Variants in REPIN1 observed in about 807,000 individuals in gnomAD.
REPIN1 encodes the protein DNA-binding protein REPIN1.
A neutral mutation model predicts 5.7 loss-of-function variants in REPIN1; 4 were observed. The observed-to-expected ratio is 0.71, with a 90% CI of 0.35 to 1.62. The LOEUF is 1.62. Among genes scored for constraint, REPIN1 ranks in the 40% most tolerant of loss-of-function variants. REPIN1 has a pLI of 0.05. For synonymous variants in REPIN1, 410 were observed against 386.2 expected (o/e 1.06, Z -0.72); for missense variants, 854 against 901.0 (o/e 0.95, Z 0.67).
Position 150,371,293 on chromosome 7 carries a change from C to T in REPIN1, c.223C>T (p.Arg75Ter). 3 of 1,592,746 alleles carry T rather than the reference C, an allele frequency of 1.9e-6. No homozygotes were observed. Among genetic ancestry groups the T allele is most frequent in the Non-Finnish European group, 2.6e-6 (3 of 1,170,428 alleles). ...CCTGGCCATGGGCCTGGCCCAGCCC[C>T]GACTCCTTTCTGGGCCCTCCCAGGA... ...GPLAMGLAQPRLLSGPSQESP... is the reference protein window; with the variant it reads ...GPLAMGLAQP The change falls in exon 3 of 3, where the codon CGA (arginine) becomes TGA (stop). Residue 75 changes from arginine to a stop codon, truncating the protein, a stop_gained. Transcript: ENST00000489432. LOFTEE classifies it low-confidence loss of function (END_TRUNC).
In REPIN1 at chr7:150,374,026, A is replaced by C. The variant is rs948291741; in HGVS notation, c.*1081A>C. On this transcript the variant is annotated 3_prime_UTR_variant, in exon 3 of 3. Coordinates refer to ENST00000489432, the MANE Select transcript of REPIN1 (RefSeq NM_001099695.2). The stretch of plus-strand genomic sequence containing the variant: ...CTCCTTTTCAAACTAGAGAATAAAG[A>C]TTTGGTTTTAGAACTGGTGGCTGGG... 6.0e-6 allele frequency: 1 copy of C among 167,058 alleles called. No individual in the cohort carries two copies. Among genetic ancestry groups the C allele is most frequent in the Non-Finnish European group, 1.5e-5 (1 of 68,116 alleles). The allele number at this position is 167,058 out of a possible 1,614,324, so 10.3% of individuals were successfully genotyped here.
chr7:150,368,648 G>C (rs1168893954), upstream of REPIN1: 2 of 193,944 alleles, frequency 1.0e-5, no homozygotes, highest in Non-Finnish European at 2.1e-5. Flanking sequence ...GCCCTGGCGC[G>C]GCAGTGGCTT....
Position 150,373,570 on chromosome 7 carries a change from CA to C in REPIN1, c.*626del. 1.8e-5 allele frequency: 3 copies of C among 169,428 alleles called. No individual in the cohort carries two copies. The highest frequency in any genetic ancestry group is 6.3e-5 in the Admixed American group (1 of 15,784). 10.5% of individuals were successfully genotyped at this position (169,428 alleles called of 1,614,324 possible). A position where few individuals can be genotyped will look rare whatever the true frequency, so the allele number is the denominator to read the frequency against. ...TTCCATCCTCTTCCTTCCCAAAGAGCAGATCCCAAGGCATTTACTCCTTGGT... is the reference window on the plus strand; with the variant it reads ...TTCCATCCTCTTCCTTCCCAAAGAGCGATCCCAAGGCATTTACTCCTTGGT... On this transcript the variant is annotated 3_prime_UTR_variant, in exon 3 of 3. Transcript: ENST00000489432.
chr7:150,372,591 G>T lies in REPIN1; in HGVS notation c.1521G>T (p.Arg507=). The T allele has an allele frequency of 6.2e-7, 1 of 1,604,622 alleles. No homozygotes were observed. Reference sequence around the variant, plus strand: ...AGGGCAGCCATCTGGCGGCGCATCGGCGCGACCACGCCCCCGATCGGCCCT... The same window carrying T: ...AGGGCAGCCATCTGGCGGCGCATCGTCGCGACCACGCCCCCGATCGGCCCT... ...FSQGSHLAAH[R]RDHAPDRPFV... The change falls in exon 3 of 3, where the codon CGG becomes CGT. Residue 507 remains arginine, a synonymous_variant. Coordinates refer to ENST00000489432, the MANE Select transcript of REPIN1 (RefSeq NM_001099695.2).
rs756635135 is a variant in REPIN1 at position 150,371,241 on chromosome 7, G to C, written c.171G>C (p.Pro57=). Residue 57 remains proline, a synonymous_variant, in exon 3 of 3, where the codon CCG becomes CCC. Coordinates refer to ENST00000489432, the MANE Select transcript of REPIN1 (RefSeq NM_001099695.2). The part of the protein sequence containing the change: ...QLCSLQAEEE[P]MLERRCRGPL... ...TTCCACCCTCAGCAGAGGAAGAACCGATGCTGGAACGTCGTTGCAGGGGCC... is the reference window on the plus strand; with the variant it reads ...TTCCACCCTCAGCAGAGGAAGAACCCATGCTGGAACGTCGTTGCAGGGGCC... 4.4e-6 allele frequency: 7 copies of C among 1,594,976 alleles called. No homozygotes were observed. The highest frequency in any genetic ancestry group is 2.2e-5 in the South Asian group (2 of 88,966).
rs1388587110 is a variant in REPIN1 at position 150,369,793 on chromosome 7, A to C, written c.82A>C (p.Ser28Arg). 1 of 1,613,876 alleles carries C rather than the reference A, an allele frequency of 6.2e-7. No individual in the cohort carries two copies. Among genetic ancestry groups the C allele is most frequent in the East Asian group, 2.2e-5 (1 of 44,884 alleles). ...YRSVGRSRRC[S>R]RGSIPRNIPK... ...GAGTGTGGGCCGAAGCAGGCGCTGCAGCCGCGGAAGTATCCCCAGGAACAT... is the reference window on the plus strand; with the variant it reads ...GAGTGTGGGCCGAAGCAGGCGCTGCCGCCGCGGAAGTATCCCCAGGAACAT... Residue 28 changes from serine (S) to arginine (R), a missense_variant, in exon 2 of 3, where the codon AGC (serine) becomes CGC (arginine). Physicochemically the swap from Ser to Arg is moderately radical, Grantham distance 110. Transcript: ENST00000489432.
In REPIN1 at chr7:150,372,055, C is replaced by G; in HGVS notation, c.985C>G (p.Arg329Gly). 2.5e-6 allele frequency: 4 copies of G among 1,610,002 alleles called. No homozygotes were observed. The highest frequency in any genetic ancestry group is 1.1e-5 in the South Asian group (1 of 90,950). ...CCACCAGTGCCCCGAGTGCGGGAAG[C>G]GCTTTACCAATAAGCCCTATCTGAC... ...RPHQCPECGK[R>G]FTNKPYLTSH... Residue 329 changes from arginine (R) to glycine (G), a missense_variant, in exon 3 of 3, where the codon CGC (arginine) becomes GGC (glycine). Arg to Gly is a moderately radical substitution (Grantham distance 125). Coordinates refer to ENST00000489432, the MANE Select transcript of REPIN1 (RefSeq NM_001099695.2).
chr7:150,369,935 C>T (rs1304388521), intron 2 of REPIN1, 67 bp downstream of exon 2: 2 of 1,513,614 alleles, frequency 1.3e-6, no homozygotes, highest in Non-Finnish European at 1.8e-6. Flanking sequence ...GTCCCCATCC[C>T]GGCGGAAGGA....
rs1235029521 is a variant in REPIN1 at position 150,371,725 on chromosome 7, G to A, written c.655G>A (p.Ala219Thr). Residue 219 changes from alanine (A) to threonine (T), a missense_variant, in exon 3 of 3, where the codon GCT (alanine) becomes ACT (threonine). Ala to Thr is a moderately conservative substitution (Grantham distance 58, BLOSUM62 0). This residue lies in a region of REPIN1 where 409 missense variants were observed against 418.6 expected (regional missense o/e 0.98). Coordinates refer to ENST00000489432, the MANE Select transcript of REPIN1 (RefSeq NM_001099695.2). ...CTTCTGGCGACGAAAGCAGCTTCGA[G>A]CTCATCTGCGGCGGTGCCACCCTCC... is the stretch of plus-strand genomic sequence containing the variant. ...RRFWRRKQLRAHLRRCHPPAP... is the reference protein window; with the variant it reads ...RRFWRRKQLRTHLRRCHPPAP... The A allele has an allele frequency of 1.2e-6, 2 of 1,608,864 alleles. No homozygotes were observed. The highest frequency in any genetic ancestry group is 1.7e-6 in the Non-Finnish European group (2 of 1,179,866).
chr7:150,368,813 G>C (rs1402677896), upstream of REPIN1: 6 of 305,414 alleles, frequency 2.0e-5, no homozygotes, highest in Admixed American at 5.0e-5. Context: ...GGTTGGGGAC[G>C]GGCCTGGCAG....
rs1311996985 is a variant in REPIN1 at position 150,372,965 on chromosome 7, T to A, written c.*20T>A. The A allele has an allele frequency of 6.2e-7, 1 of 1,600,128 alleles. No individual in the cohort carries two copies. Among genetic ancestry groups the A allele is most frequent in the Admixed American group, 1.7e-5 (1 of 59,410 alleles). On this transcript the variant is annotated 3_prime_UTR_variant, in exon 3 of 3. Transcript: ENST00000489432. ...GTCTGAGACGGTGGGCGGGGCCGTG[T>A]TGGCTGAGAGAGGGCTGGGGTCCTT...
rs1176242170 is a variant in REPIN1, at chr7:150,372,613, C to T, written c.1543C>T (p.Pro515Ser). 1.2e-6 allele frequency: 2 copies of T among 1,609,336 alleles called. No individual in the cohort carries two copies. Among genetic ancestry groups the T allele is most frequent in the South Asian group, 1.1e-5 (1 of 91,006 alleles). ...TCGGCGCGACCACGCCCCCGATCGG[C>T]CCTTCGTGTGTCCCGACTGCGGCAA... ...AHRRDHAPDR[P>S]FVCPDCGKAF... Residue 515 changes from proline to serine, a missense_variant, in exon 3 of 3, where the codon CCC becomes TCC. This residue lies in a region of REPIN1 where 327 missense variants were observed against 307.8 expected (regional missense o/e 1.06). Transcript: ENST00000489432.
chr7:150,371,226 A>G lies in REPIN1; in HGVS notation c.158-2A>G. 1 of 1,583,076 alleles carries G rather than the reference A, an allele frequency of 6.3e-7. No homozygotes were observed. The highest frequency in any genetic ancestry group is 8.6e-7 in the Non-Finnish European group (1 of 1,163,900). ...GGAGTGACTGTGCTTTTCCACCCTC[A>G]GCAGAGGAAGAACCGATGCTGGAAC... On this transcript the variant is annotated splice_acceptor_variant, in intron 2 of 2. Transcript: ENST00000489432. LOFTEE classifies it high-confidence loss of function.
chr7:150,368,196 G>C (rs913642007), upstream of REPIN1: 7 of 152,262 alleles, frequency 4.6e-5, no homozygotes, highest in African/African-American at 1.7e-4. Flanking sequence ...GCCAGAGGAA[G>C]CCCAGCAACT....
At chr7:150,369,280 C>T in intron 1 of REPIN1, 1 of 407,302 alleles carries the variant, frequency 2.5e-6, no homozygotes, top group Non-Finnish European at 4.5e-6. Context: ...ACCAGCTGGC[C>T]CTGCGCAGCC....
upstream of REPIN1, chr7:150,368,104 C>T (rs1799004724): frequency 6.6e-6 from 1 of 152,236 alleles, no homozygotes; most frequent in African/African-American, 2.4e-5. Context: ...GCAGACGCCA[C>T]ACAGGCTGCT....
rs763482532 is a variant in REPIN1, at chr7:150,371,532, C to T, written c.462C>T (p.Ala154=). Residue 154 remains alanine (A), a synonymous_variant, in exon 3 of 3, where the codon GCC becomes GCT. Coordinates refer to ENST00000489432, the MANE Select transcript of REPIN1 (RefSeq NM_001099695.2). The stretch of plus-strand genomic sequence containing the variant: ...AGTGTGGCCGTCGCTTTCGCCATGC[C>T]CCCTTCTTAGCACTGCACCGCCAGG... ...CPECGRRFRH[A]PFLALHRQVH... 4 of 1,605,292 alleles carry T rather than the reference C, an allele frequency of 2.5e-6. No homozygotes were observed. The highest frequency in any genetic ancestry group is 1.1e-5 in the South Asian group (1 of 90,922).
At chr7:150,370,358 T>G (rs1293028083) in intron 2 of REPIN1, 1 of 266,690 alleles carries the variant, frequency 3.7e-6, no homozygotes, top group Non-Finnish European at 7.3e-6. Context: ...GGGAGAGCCT[T>G]CCTTCCTGCA....
At chr7:150,369,623 C>A in intron 1 of REPIN1, 48 bp from the exon 2 acceptor site, 1 of 1,563,672 alleles carries the variant, frequency 6.4e-7, no homozygotes, top group Non-Finnish European at 8.7e-7. Flanking sequence ...GCTGACTGCC[C>A]TAGAGGAGCT....
Sources: allele counts gnomAD v4.1 joint callset, GRCh38; gene constraint gnomAD v4.1.1; regional missense constraint gnomAD v4.1.1; transcripts MANE v1.5; gene names NCBI Gene and HGNC (gene_info 2026-07-23, HGNC 2026-07-21).